Variants in SPICE1 observed in about 807,000 individuals in gnomAD.
SPICE1 encodes the protein spindle and centriole-associated protein 1.
SPICE1 carries 75 observed loss-of-function variants against 102.7 expected under a neutral mutation model. That is an observed-to-expected ratio of 0.73 (90% CI 0.61 to 0.88). The LOEUF (loss-of-function observed/expected upper bound fraction) is 0.88. Ranked by LOEUF, SPICE1 falls within the 40% of genes least tolerant of loss-of-function variation. The probability of loss-of-function intolerance (pLI) is 0.00; values close to 1 mark genes in which losing one functional copy is unlikely to be tolerated. For synonymous variants in SPICE1, 308 were observed against 350.3 expected, an observed-to-expected ratio of 0.88 and a Z score of 1.35; for missense variants, 979 against 1,020.1, an observed-to-expected ratio of 0.96 and a Z score of 0.55.
chr3:113,454,186 T>A (rs1003286184), intron 13 of SPICE1, among the ~76,000 whole-genome samples: 4 of 152,186 alleles, frequency 2.6e-5, no homozygotes, highest in African/African-American at 4.8e-5. Flanking sequence ...TGAAAAACCA[T>A]CTGTCAAGTT....
chr3:113,488,648 C>T (rs1284520751), intron 7 of SPICE1, among the ~76,000 whole-genome samples: 1 of 152,032 alleles, frequency 6.6e-6, no homozygotes, highest in African/African-American at 2.4e-5. Flanking sequence ...ATATTGGGTA[C>T]AATGTATATT....
intron 7 of SPICE1, among the ~76,000 whole-genome samples, chr3:113,474,771 T>C (rs1375694703): frequency 6.6e-6 from 1 of 151,882 alleles, no homozygotes; most frequent in Admixed American, 6.6e-5. Context: ...CCAGAATCTC[T>C]GGGACACACT....
chr3:113,471,266 A>C (rs1246066187), intron 7 of SPICE1, among the ~76,000 whole-genome samples: 1 of 152,220 alleles, frequency 6.6e-6, no homozygotes, highest in African/African-American at 2.4e-5. Flanking sequence ...TGGGGAGATT[A>C]TCTTGGGTAG....
At chr3:113,455,803 G>T (rs906846395) in intron 13 of SPICE1, among the ~76,000 whole-genome samples, 4 of 152,154 alleles carry the variant, frequency 2.6e-5, no homozygotes, top group African/African-American at 7.2e-5. Context: ...ACTTGCTGAA[G>T]ATATTAACAA....
intron 6 of SPICE1, 109 bp downstream of exon 6, chr3:113,493,097 C>T (rs943987008): frequency 1.3e-6 from 1 of 760,916 alleles, no homozygotes; most frequent in South Asian, 2.0e-5. Context: ...CTAGCAACCA[C>T]AACTAGCACT....
chr3:113,468,673 T>G (rs1463090566), intron 9 of SPICE1, 89 bp downstream of exon 9: 2 of 1,429,054 alleles, frequency 1.4e-6, no homozygotes, highest in East Asian at 4.6e-5. Flanking sequence ...GTGGATGAGA[T>G]TAAGGGAGAA....
chr3:113,445,215 A>G lies in SPICE1; in HGVS notation c.*92T>C. ...AATTCACAGGATCTTTGTAGGTTTT[A>G]TCTGAAAGAAGGATATAAAAACTTA... On this transcript the variant is annotated 3_prime_UTR_variant, in exon 18 of 18. Coordinates refer to ENST00000295872, the MANE Select transcript of SPICE1 (RefSeq NM_144718.4). 1 of 962,680 alleles carries G rather than the reference A, an allele frequency of 1.0e-6. No homozygotes were observed. The highest frequency in any genetic ancestry group is 1.6e-5 in the South Asian group (1 of 62,698). The allele number at this position is 962,680 out of a possible 1,614,324, so 59.6% of individuals were successfully genotyped here.
At chr3:113,477,656 AATC>A (rs1297271054) in intron 7 of SPICE1, among the ~76,000 whole-genome samples, 2 of 152,082 alleles carry the variant, frequency 1.3e-5, no homozygotes, top group Non-Finnish European at 2.9e-5. Flanking sequence ...TGAAACTGGA[AATC>A]ATCATTCTCA....
intron 7 of SPICE1, among the ~76,000 whole-genome samples, chr3:113,485,949 A>G (rs931240026): frequency 6.6e-6 from 1 of 151,858 alleles, no homozygotes; most frequent in East Asian, 1.9e-4. Context: ...GTAGTCTCTA[A>G]TAAAAATACA....
intron 2 of SPICE1, among the ~76,000 whole-genome samples, chr3:113,506,027 C>T (rs1169061592): frequency 1.3e-5 from 2 of 152,140 alleles, no homozygotes; most frequent in Non-Finnish European, 2.9e-5. Flanking sequence ...TGTTCTGAAA[C>T]CGATCAACCT....
At chr3:113,513,536 C>A (rs1014008386) in intron 1 of SPICE1, among the ~76,000 whole-genome samples, 7 of 152,144 alleles carry the variant, frequency 4.6e-5, no homozygotes, top group Admixed American at 6.5e-5. Context: ...TACCCCAAAT[C>A]TCTACTTGCT....
chr3:113,498,296 C>G (rs1299178252), intron 4 of SPICE1, among the ~76,000 whole-genome samples: 2 of 152,192 alleles, frequency 1.3e-5, no homozygotes, highest in African/African-American at 2.4e-5. Flanking sequence ...AAAGAAACAT[C>G]ACTCATCGTC....
At chr3:113,458,160 G>GCTCCCTCTCCCGT (rs61293415) in intron 12 of SPICE1, among the ~76,000 whole-genome samples, 1 of 146,478 alleles carries the variant, frequency 6.8e-6, no homozygotes, top group African/African-American at 2.5e-5. Flanking sequence ...AATAATTCTG[G>GCTCCCTCTCCCGT]CTCCCTCTCC....
At chr3:113,480,245 C>A (rs558797715) in intron 7 of SPICE1, among the ~76,000 whole-genome samples, 69 of 149,936 alleles carry the variant, frequency 4.6e-4, no homozygotes, top group African/African-American at 1.6e-3. Context: ...AAGCACCATG[C>A]GCAAATAGTT....
intron 15 of SPICE1, chr3:113,449,095 C>T (rs772189351): frequency 1.3e-5 from 2 of 152,172 alleles, no homozygotes; most frequent in Non-Finnish European, 2.9e-5. Context: ...AATTACATAA[C>T]ATAAATAAAA....
At position 113,465,100 on chromosome 3, in the gene SPICE1, C is replaced by CAA. The variant is rs35595850; in HGVS notation, c.1287+551_1287+552dup. On this transcript the variant is annotated intron_variant, in intron 11 of 17. Transcript: ENST00000295872. ...TGGGTGACAGAGTGAGACACCATCT[C>CAA]AAAAAAAAAAAAAAAAGTTCACAAA... is the stretch of plus-strand genomic sequence containing the variant. Among the ~76,000 whole-genome samples, 14 of 131,424 alleles carry CAA rather than the reference C, an allele frequency of 1.1e-4. No individual in the cohort carries two copies. In the East Asian group the frequency reaches 1.7e-3, roughly 16 times the overall value. 86.2% of individuals were successfully genotyped at this position (131,424 alleles called of 152,430 possible). A position where few individuals can be genotyped will look rare whatever the true frequency, so the allele number is the denominator to read the frequency against.
intron 7 of SPICE1, among the ~76,000 whole-genome samples, chr3:113,479,783 A>C (rs1936447908): frequency 6.6e-6 from 1 of 152,172 alleles, no homozygotes; most frequent in Non-Finnish European, 1.5e-5. Context: ...AGAGCCCTAA[A>C]CATGTTTATC....
At chr3:113,463,586 C>T (rs893141706) in intron 11 of SPICE1, among the ~76,000 whole-genome samples, 2 of 152,124 alleles carry the variant, frequency 1.3e-5, no homozygotes, top group African/African-American at 4.8e-5. Context: ...TTGGGCAATA[C>T]AAAGGAATGA....
chr3:113,504,582 A>G (rs1304099272), intron 2 of SPICE1, among the ~76,000 whole-genome samples: 1 of 151,478 alleles, frequency 6.6e-6, no homozygotes, highest in African/African-American at 2.4e-5. Context: ...AAAAAAAAAA[A>G]AAAAAAAAAA....
Sources: allele counts gnomAD v4.1 joint callset (sites outside exome capture counted in the v4.1 genomes callset), GRCh38; gene constraint gnomAD v4.1.1; transcripts MANE v1.5; gene names NCBI Gene and HGNC (gene_info 2026-07-23, HGNC 2026-07-21).